The following CFAP96 variants were observed in gnomAD, a reference collection of about 807,000 sequenced individuals.
CFAP96 encodes the protein cilia and flagella associated protein 96.
the CFAP96 span, among the ~76,000 whole-genome samples, chr4:185,414,644 A>T: frequency 1.3e-5 from 2 of 152,146 alleles, no homozygotes; most frequent in Admixed American, 1.3e-4. Flanking sequence ...GCACTCCAAA[A>T]CCAGTCATGA....
the CFAP96 span, among the ~76,000 whole-genome samples, chr4:185,420,608 T>A: frequency 2.0e-5 from 3 of 152,222 alleles, no homozygotes; most frequent in African/African-American, 7.2e-5. Flanking sequence ...TATTTTGATA[T>A]GTTTCAGAAA....
the CFAP96 span, among the ~76,000 whole-genome samples, chr4:185,433,833 C>T: frequency 1.1e-3 from 174 of 151,968 alleles, no homozygotes; most frequent in Middle Eastern, 3.4e-3. Context: ...ACCCAGGAGG[C>T]GGAGGCTGCA....
the CFAP96 span, among the ~76,000 whole-genome samples, chr4:185,435,574 T>C: frequency 6.6e-6 from 1 of 152,230 alleles, no homozygotes; most frequent in Non-Finnish European, 1.5e-5. Flanking sequence ...AATATTTGGT[T>C]AATTTTTTCT....
the CFAP96 span, among the ~76,000 whole-genome samples, chr4:185,424,931 G>C: frequency 2.6e-5 from 4 of 152,216 alleles, no homozygotes; most frequent in African/African-American, 9.6e-5. Flanking sequence ...GATACTCTCT[G>C]AAGAAATAAT....
chr4:185,429,618 G>C, the CFAP96 span: 1 of 666,574 alleles, frequency 1.5e-6, no homozygotes, highest in Non-Finnish European at 2.5e-6. Flanking sequence ...ATATTTTAAA[G>C]CATTTAGTTC....
At chr4:185,440,916 G>A in the CFAP96 span, among the ~76,000 whole-genome samples, 1 of 144,266 alleles carries the variant, frequency 6.9e-6, no homozygotes, top group Admixed American at 7.4e-5. Flanking sequence ...CCCTTGTCAT[G>A]AAGTAATTAT....
chr4:185,442,402 C>G, the CFAP96 span, among the ~76,000 whole-genome samples: 3 of 151,860 alleles, frequency 2.0e-5, no homozygotes, highest in African/African-American at 7.3e-5. Flanking sequence ...ATATTTATTC[C>G]TAGTTATTTT....
At chr4:185,446,609 C>T in the CFAP96 span, among the ~76,000 whole-genome samples, 1 of 152,130 alleles carries the variant, frequency 6.6e-6, no homozygotes, top group South Asian at 2.1e-4. Context: ...TCAGGGACTA[C>T]CTAGTACTAA....
At chr4:185,444,818 C>A in the CFAP96 span, 1 of 667,646 alleles carries the variant, frequency 1.5e-6, no homozygotes, top group Non-Finnish European at 2.5e-6. Context: ...GGTAGGGAGA[C>A]CTTTTGGTGG....
chr4:185,424,252 G>A, the CFAP96 span, among the ~76,000 whole-genome samples: 1 of 152,152 alleles, frequency 6.6e-6, no homozygotes, highest in African/African-American at 2.4e-5. Context: ...GCTACAGTGA[G>A]CCATGATCAC....
At chr4:185,446,909 T>C in the CFAP96 span, among the ~76,000 whole-genome samples, 1 of 152,166 alleles carries the variant, frequency 6.6e-6, no homozygotes, top group Non-Finnish European at 1.5e-5. Context: ...TGCTTTCCTG[T>C]TGTCTTTCTT....
the CFAP96 span, among the ~76,000 whole-genome samples, chr4:185,447,339 G>A: frequency 1.6e-4 from 24 of 151,808 alleles, no homozygotes; most frequent in Admixed American, 6.6e-4. Flanking sequence ...CCGCCACCAC[G>A]CCCGGCTAAT....
chr4:185,437,416 G>C, the CFAP96 span, among the ~76,000 whole-genome samples: 5 of 152,334 alleles, frequency 3.3e-5, no homozygotes, highest in African/African-American at 1.2e-4. Context: ...GTAATGAAAA[G>C]TCAACTTAAT....
At chr4:185,449,418 G>A in the CFAP96 span, among the ~76,000 whole-genome samples, 1 of 152,040 alleles carries the variant, frequency 6.6e-6, no homozygotes, top group African/African-American at 2.4e-5. Context: ...CTACTTGGGC[G>A]GCCGAGGCAG....
chr4:185,431,510 CT>C, the CFAP96 span, among the ~76,000 whole-genome samples: 1 of 152,194 alleles, frequency 6.6e-6, no homozygotes, highest in Non-Finnish European at 1.5e-5. Context: ...TATGAACATT[CT>C]TGTTAATGTC....
the CFAP96 span, among the ~76,000 whole-genome samples, chr4:185,425,680 G>A: frequency 2.6e-5 from 4 of 152,080 alleles, no homozygotes; most frequent in African/African-American, 4.8e-5. Context: ...CACTTGTGTA[G>A]GGCACTTTCC....
chr4:185,442,303 G>A, the CFAP96 span, among the ~76,000 whole-genome samples: 2 of 151,964 alleles, frequency 1.3e-5, no homozygotes, highest in Non-Finnish European at 2.9e-5. Context: ...TTTATAATTT[G>A]AATCTTCAGA....
the CFAP96 span, among the ~76,000 whole-genome samples, chr4:185,412,825 G>A: frequency 1.3e-5 from 2 of 152,096 alleles, no homozygotes; most frequent in African/African-American, 4.8e-5. Context: ...AAGAGGCCCA[G>A]CTCTATTGGT....
chr4:185,415,613 G>A, the CFAP96 span: 4 of 1,141,824 alleles, frequency 3.5e-6, no homozygotes, highest in Non-Finnish European at 3.7e-6. Flanking sequence ...TAAACAAGGA[G>A]AAAATCACAC....
Sources: gnomAD v4.1 joint callset for allele counts (sites outside exome capture counted in the v4.1 genomes callset) on GRCh38, gnomAD v4.1.1 for gene constraint, MANE v1.5 for transcripts, NCBI Gene and HGNC (gene_info 2026-07-23, HGNC 2026-07-21) for gene names.